Variants in PDE5A observed in about 807,000 individuals in gnomAD.
The protein encoded by PDE5A is phosphodiesterase 5A.
PDE5A carries 67 observed loss-of-function variants against 110.2 expected under a neutral mutation model. The observed-to-expected ratio is 0.61, with a 90% confidence interval of 0.50 to 0.75. The LOEUF is 0.75. Ranked by LOEUF, PDE5A falls within the 30% of genes least tolerant of loss-of-function variation. PDE5A has a pLI of 0.00. For synonymous variants in PDE5A, 328 were observed against 351.2 expected (o/e 0.93, Z 0.74); for missense variants, 862 against 1,045.1 (o/e 0.82, Z 2.42).
chr4:119,607,713 TCAG>T (rs1729590845), intron 1 of PDE5A, among the ~76,000 whole-genome samples: 1 of 152,084 alleles, frequency 6.6e-6, no homozygotes, highest in South Asian at 2.1e-4. Flanking sequence ...CCACTGCACT[TCAG>T]CCTGGGTGAC....
chr4:119,513,744 T>C (rs1009282621), intron 14 of PDE5A, among the ~76,000 whole-genome samples: 2 of 152,172 alleles, frequency 1.3e-5, no homozygotes, highest in African/African-American at 4.8e-5. Context: ...TTGACCCACT[T>C]AGGGGCTGGA....
In PDE5A at chr4:119,607,150, T is replaced by A; in HGVS notation, c.300A>T (p.Lys100Asn). 1 of 1,614,094 alleles carries A rather than the reference T, an allele frequency of 6.2e-7. No individual in the cohort carries two copies. The highest frequency in any genetic ancestry group is 8.5e-7 in the Non-Finnish European group (1 of 1,180,014). The change falls in exon 2 of 21, where the codon AAA (lysine) becomes AAT (asparagine). Residue 100 changes from lysine (K) to asparagine (N), a missense_variant. Lys to Asn is a moderately conservative substitution (Grantham distance 94). Transcript: ENST00000354960. ...DNSAPGTPTRKISASEFDRPL... is the reference protein window; with the variant it reads ...DNSAPGTPTRNISASEFDRPL... ...GCCGGTCAAATTCAGAGGCAGAGAT[T>A]TTCCTGGTTGGTGTTCCAGGGGCAC...
chr4:119,603,653 CT>C (rs1729424490), intron 2 of PDE5A, among the ~76,000 whole-genome samples: 1 of 152,010 alleles, frequency 6.6e-6, no homozygotes, highest in African/African-American at 2.4e-5. Flanking sequence ...ATATCATTTT[CT>C]GTTACAAAGT....
intron 3 of PDE5A, among the ~76,000 whole-genome samples, chr4:119,593,970 A>G (rs1729067753): frequency 6.6e-6 from 1 of 152,094 alleles, no homozygotes; most frequent in Non-Finnish European, 1.5e-5. Context: ...CTCACTCACT[A>G]TCACGAACAG....
At chr4:119,574,888 A>G (rs1282560840) in intron 3 of PDE5A, among the ~76,000 whole-genome samples, 1 of 152,192 alleles carries the variant, frequency 6.6e-6, no homozygotes, top group African/African-American at 2.4e-5. Context: ...CTGATTAGGG[A>G]ATTAGTTATA....
At chr4:119,517,514 T>A (rs1394153050) in intron 14 of PDE5A, among the ~76,000 whole-genome samples, 3 of 146,652 alleles carry the variant, frequency 2.0e-5, no homozygotes, top group South Asian at 2.1e-4. Flanking sequence ...TTTTTTTTTT[T>A]AAAGTTGAAG....
Position 119,538,933 on chromosome 4 carries a change from A to C in PDE5A, c.1632+27T>G, listed in dbSNP as rs113606026. ...TTAAATTAGGTGTCTGTAATTAGTA[A>C]TTTTTAAAAAGAAAGAGGATAATTA... On this transcript the variant is annotated intron_variant, in intron 11 of 20. Transcript: ENST00000354960. 1.2e-3 allele frequency: 1,891 copies of C among 1,576,920 alleles called. 27 individuals carry two copies. The African/African-American group carries it at 0.021, about 17-fold the overall frequency.
chr4:119,570,182 G>T (rs573786743), intron 3 of PDE5A, among the ~76,000 whole-genome samples: 91 of 152,274 alleles, frequency 6.0e-4, no homozygotes, highest in African/African-American at 2.1e-3. Context: ...GGCATCCTCT[G>T]CCCTCATGTT....
intron 1 of PDE5A, among the ~76,000 whole-genome samples, chr4:119,608,197 T>A (rs1442036678): frequency 1.3e-5 from 2 of 152,206 alleles, no homozygotes; most frequent in Non-Finnish European, 2.9e-5. Flanking sequence ...AGATCTATTT[T>A]TCTAGATTAT....
Position 119,496,902 on chromosome 4 carries a change from A to T in PDE5A, c.*1699T>A, listed in dbSNP as rs918059817. 11 of 152,538 alleles carry T rather than the reference A, an allele frequency of 7.2e-5. No individual in the cohort carries two copies. The highest frequency in any genetic ancestry group is 6.6e-4 in the Admixed American group (10 of 15,256). 9.4% of individuals were successfully genotyped at this position (152,538 alleles called of 1,614,324 possible). On this transcript the variant is annotated 3_prime_UTR_variant, in exon 21 of 21. Transcript: ENST00000354960. ...TTGGTAACTTCCTAGATTAACCTTT[A>T]CCAAATACAAAATAATGGCAATACA...
At chr4:119,583,820 T>A (rs1728669414) in intron 3 of PDE5A, among the ~76,000 whole-genome samples, 1 of 152,180 alleles carries the variant, frequency 6.6e-6, no homozygotes, top group Non-Finnish European at 1.5e-5. Context: ...CCTGTATAAC[T>A]CTTTCAAAGA....
At chr4:119,590,278 A>G (rs1728920093) in intron 3 of PDE5A, among the ~76,000 whole-genome samples, 1 of 152,212 alleles carries the variant, frequency 6.6e-6, no homozygotes, top group South Asian at 2.1e-4. Flanking sequence ...TTTGCTTAAT[A>G]AATATCACAC....
rs1055098628 is a variant in PDE5A, at chr4:119,496,536, G to T, written c.*2065C>A. The T allele has an allele frequency of 2.0e-5, 3 of 152,174 alleles. No individual in the cohort carries two copies. Among genetic ancestry groups the T allele is most frequent in the African/African-American group, 7.3e-5 (3 of 41,378 alleles). The allele number at this position is 152,174 out of a possible 1,614,324, so 9.4% of individuals were successfully genotyped here. On this transcript the variant is annotated 3_prime_UTR_variant, in exon 21 of 21. Coordinates refer to ENST00000354960, the MANE Select transcript of PDE5A (RefSeq NM_001083.4). The stretch of plus-strand genomic sequence containing the variant: ...ACACACATACAAAGCCTCTAAACAC[G>T]ATCTACCATGTCTTTAAAAAATTTC...
At chr4:119,590,820 C>G (rs7659250) in intron 3 of PDE5A, among the ~76,000 whole-genome samples, 1 of 152,016 alleles carries the variant, frequency 6.6e-6, no homozygotes, top group African/African-American at 2.4e-5. Flanking sequence ...TAGTATTCAG[C>G]AGTCAACTAC....
chr4:119,624,167 T>A (rs143741994), intron 1 of PDE5A, among the ~76,000 whole-genome samples: 66 of 152,168 alleles, frequency 4.3e-4, no homozygotes, highest in African/African-American at 1.6e-3. Flanking sequence ...ATAAACAATA[T>A]CAAAGTTAGA....
At chr4:119,542,314 G>T in intron 10 of PDE5A, 145 bp downstream of exon 10, 1 of 652,346 alleles carries the variant, frequency 1.5e-6, no homozygotes, top group South Asian at 2.8e-5. Context: ...TTTAGTTGAG[G>T]ACAATAAGGA....
At chr4:119,547,725 CTAAG>C (rs1433072271) in intron 9 of PDE5A, among the ~76,000 whole-genome samples, 1 of 151,930 alleles carries the variant, frequency 6.6e-6, no homozygotes, top group African/African-American at 2.4e-5. Flanking sequence ...GTTTCAGGTT[CTAAG>C]TGAGTTTTTT....
At chr4:119,617,701 T>A (rs767540530) in intron 1 of PDE5A, among the ~76,000 whole-genome samples, 3 of 152,120 alleles carry the variant, frequency 2.0e-5, no homozygotes, top group African/African-American at 7.2e-5. Context: ...GTAGAGCAAC[T>A]AGTTTAATAC....
chr4:119,496,747 A>G lies in PDE5A; in HGVS notation c.*1854T>C, dbSNP rs1725090577. On this transcript the variant is annotated 3_prime_UTR_variant, in exon 21 of 21. Transcript: ENST00000354960. Reference sequence around the variant, plus strand: ...ACACCTGTATGTATATATAACTATTATTTTAGTGATAGTCTGTGTATTTTA... The same window carrying G: ...ACACCTGTATGTATATATAACTATTGTTTTAGTGATAGTCTGTGTATTTTA... 6.6e-6 allele frequency: 1 copy of G among 152,558 alleles called. No individual in the cohort carries two copies. Among genetic ancestry groups the G allele is most frequent in the Non-Finnish European group, 1.5e-5 (1 of 67,990 alleles). The allele number at this position is 152,558 out of a possible 1,614,324, so 9.5% of individuals were successfully genotyped here.
Sources: gnomAD v4.1 joint callset for allele counts (sites outside exome capture counted in the v4.1 genomes callset) on GRCh38, gnomAD v4.1.1 for gene constraint, MANE v1.5 for transcripts, NCBI Gene and HGNC (gene_info 2026-07-23, HGNC 2026-07-21) for gene names.